NPM2: variants seen among roughly 807,000 people sequenced by gnomAD.
The protein encoded by NPM2 is nucleophosmin/nucleoplasmin 2.
In NPM2, 25 loss-of-function variants were observed where a neutral mutation model predicts 32.0. The ratio of observed to expected loss-of-function variants is 0.78; its 90% confidence interval spans 0.57 to 1.09. The LOEUF (loss-of-function observed/expected upper bound fraction) is 1.09. Among genes scored for constraint, NPM2 ranks in the 50% least tolerant of loss-of-function variants. NPM2 has a pLI of 0.00. For synonymous variants in NPM2, 111 were observed against 94.2 expected (o/e 1.18, Z -1.04); for missense variants, 282 against 259.9 (o/e 1.08, Z -0.58).
intron 5 of NPM2, among the ~76,000 whole-genome samples, chr8:22,031,420 G>T (rs1005157773): frequency 5.3e-5 from 8 of 152,096 alleles, no homozygotes; most frequent in Non-Finnish European, 8.8e-5. Flanking sequence ...CCAAGGCCTT[G>T]TCTCCTGACT....
Position 22,034,445 on chromosome 8 carries a change from T to C in NPM2, c.532-65T>C. On this transcript the variant is annotated intron_variant, in intron 7 of 9. Transcript: ENST00000518119. ...AGCTCAGCGGGGACCTTGTGGACTTTGGGAATCTGTTCTGGCTCTGGACTT... is the reference window on the plus strand; with the variant it reads ...AGCTCAGCGGGGACCTTGTGGACTTCGGGAATCTGTTCTGGCTCTGGACTT... The C allele has an allele frequency of 2.0e-6, 3 of 1,489,298 alleles. No homozygotes were observed. The South Asian group carries it at 3.5e-5, about 17-fold the overall frequency. The allele number at this position is 1,489,298 out of a possible 1,614,324, so 92.3% of individuals were successfully genotyped here. A position where few individuals can be genotyped will look rare whatever the true frequency, so the allele number is the denominator to read the frequency against.
chr8:22,030,389 C>T (rs976009389), intron 5 of NPM2, among the ~76,000 whole-genome samples: 1 of 152,042 alleles, frequency 6.6e-6, no homozygotes, highest in Non-Finnish European at 1.5e-5. Flanking sequence ...AGGCATGAGC[C>T]ACCATGCCCA....
chr8:22,028,741 C>T (rs1304834341), intron 5 of NPM2, among the ~76,000 whole-genome samples: 1 of 152,258 alleles, frequency 6.6e-6, no homozygotes, highest in East Asian at 1.9e-4. Flanking sequence ...TGGCCTGCTT[C>T]GAAGCCTTTG....
At chr8:22,033,534 T>C (rs538626460) in intron 6 of NPM2, among the ~76,000 whole-genome samples, 1 of 152,244 alleles carries the variant, frequency 6.6e-6, no homozygotes, top group East Asian at 1.9e-4. Context: ...CTGTTCAGGA[T>C]GTGGCTGCTG....
intron 8 of NPM2, 90 bp from the exon 9 acceptor site, chr8:22,036,403 G>T (rs1800621805): frequency 5.3e-6 from 7 of 1,327,556 alleles, no homozygotes; most frequent in Non-Finnish European, 7.3e-6. Context: ...GCTTTCCAGG[G>T]TGGGCACTGG....
At chr8:22,036,353 T>A in intron 8 of NPM2, 140 bp from the exon 9 acceptor site, 1 of 721,456 alleles carries the variant, frequency 1.4e-6, no homozygotes, top group South Asian at 1.9e-5. Flanking sequence ...TCCCTTTGTT[T>A]AAAGAGTCCG....
Position 22,025,639 on chromosome 8 carries a change from C to A in NPM2, c.145-8C>A. ...TGATGAGGGGCCTCTATTTTCAACC[C>A]CGCTCAGATTTGCTTGGGGGAGAAA... On this transcript the variant is annotated splice_region_variant and splice_polypyrimidine_tract_variant and intron_variant, in intron 4 of 9. Transcript: ENST00000518119. 1 of 1,614,152 alleles carries A rather than the reference C, an allele frequency of 6.2e-7. No homozygotes were observed. Among genetic ancestry groups the A allele is most frequent in the South Asian group, 1.1e-5 (1 of 91,080 alleles).
rs1297983637 is a variant in NPM2, at chr8:22,025,537, A to G, written c.144+16A>G. On this transcript the variant is annotated intron_variant, in intron 4 of 9. Coordinates refer to ENST00000518119, the MANE Select transcript of NPM2 (RefSeq NM_001286680.2). ...GCTTCATACGGTAGGTGTTCCCAAAAGAGGGGAGGAAGATGGTGTCCGGGA... is the reference window on the plus strand; with the variant it reads ...GCTTCATACGGTAGGTGTTCCCAAAGGAGGGGAGGAAGATGGTGTCCGGGA... 20 of 1,613,530 alleles carry G rather than the reference A, an allele frequency of 1.2e-5. No individual in the cohort carries two copies. Among genetic ancestry groups the G allele is most frequent in the East Asian group, 2.2e-5 (1 of 44,882 alleles).
intron 2 of NPM2, 81 bp from the exon 3 acceptor site, chr8:22,025,135 C>A (rs149954729): frequency 2.1e-5 from 26 of 1,216,052 alleles, no homozygotes; most frequent in Admixed American, 2.1e-4. Flanking sequence ...CAGTACCTGC[C>A]GATGCCTGCT....
chr8:22,026,454 C>CTTTTTTTTTT lies in NPM2; in HGVS notation c.270+691_270+700dup, dbSNP rs1171179196. 3.6e-4 allele frequency among the ~76,000 whole-genome samples: 40 copies of CTTTTTTTTTT among 111,396 alleles called. 1 individual carries two copies. The highest frequency in any genetic ancestry group is 6.1e-4 in the South Asian group (2 of 3,278). The allele number at this position is 111,396 out of a possible 152,430, so 73.1% of individuals were successfully genotyped here. A position where few individuals can be genotyped will look rare whatever the true frequency, so the allele number is the denominator to read the frequency against. On this transcript the variant is annotated intron_variant, in intron 5 of 9. Transcript: ENST00000518119. Reference sequence around the variant, plus strand: ...AATTGTGAATAATGGCAGTTCTTGCCTTTTTTTTTTTTTTTTTTGAGATGG... The same window carrying CTTTTTTTTTT: ...AATTGTGAATAATGGCAGTTCTTGCCTTTTTTTTTTTTTTTTTTTTTTTTTTTTGAGATGG...
intron 5 of NPM2, among the ~76,000 whole-genome samples, chr8:22,027,831 T>C (rs967247159): frequency 1.3e-5 from 2 of 152,196 alleles, no homozygotes; most frequent in African/African-American, 4.8e-5. Flanking sequence ...GGTCTCGAAC[T>C]CCTGACCTCA....
chr8:22,027,603 C>G (rs1585510490), intron 5 of NPM2, among the ~76,000 whole-genome samples: 1 of 143,258 alleles, frequency 7.0e-6, no homozygotes, highest in African/African-American at 2.5e-5. Context: ...AGACAAAGCT[C>G]TTTTTTTTTT....
Position 22,034,281 on chromosome 8 carries a change from G to A in NPM2, c.531+6G>A. On this transcript the variant is annotated splice_donor_region_variant and intron_variant, in intron 7 of 9. Coordinates refer to ENST00000518119, the MANE Select transcript of NPM2 (RefSeq NM_001286680.2). ...AGCAGGCGAGCGTGGCTAAGGTGGGGGAAGGAGCGTGGCTGTTTGGAAGGA... is the reference window on the plus strand; with the variant it reads ...AGCAGGCGAGCGTGGCTAAGGTGGGAGAAGGAGCGTGGCTGTTTGGAAGGA... The A allele has an allele frequency of 6.3e-7, 1 of 1,579,918 alleles. No homozygotes were observed. Among genetic ancestry groups the A allele is most frequent in the Non-Finnish European group, 8.6e-7 (1 of 1,163,502 alleles).
chr8:22,031,485 G>C (rs953861479), intron 5 of NPM2, among the ~76,000 whole-genome samples: 1 of 152,138 alleles, frequency 6.6e-6, no homozygotes, highest in Non-Finnish European at 1.5e-5. Flanking sequence ...TTGTTCTGTC[G>C]CCCAGGCTGG....
intron 5 of NPM2, among the ~76,000 whole-genome samples, chr8:22,032,128 A>T (rs897870698): frequency 6.6e-6 from 1 of 152,252 alleles, no homozygotes; most frequent in African/African-American, 2.4e-5. Flanking sequence ...ATTTAATGAG[A>T]TAAAGCAGAT....
At chr8:22,034,447 G>C in intron 7 of NPM2, 63 bp from the exon 8 acceptor site, 2 of 1,497,904 alleles carry the variant, frequency 1.3e-6, no homozygotes, top group South Asian at 2.3e-5. Context: ...GTGGACTTTG[G>C]GAATCTGTTC....
At chr8:22,027,466 T>A (rs866203469) in intron 5 of NPM2, among the ~76,000 whole-genome samples, 1 of 152,242 alleles carries the variant, frequency 6.6e-6, no homozygotes, top group Admixed American at 6.5e-5. Flanking sequence ...ATGGCTTTGA[T>A]AGATATCTAA....
At chr8:22,025,076 C>A in intron 2 of NPM2, 140 bp from the exon 3 acceptor site, 1 of 637,552 alleles carries the variant, frequency 1.6e-6, no homozygotes, top group African/African-American at 1.9e-5. Context: ...CAGGAGTTGC[C>A]GGTGAGCCCT....
intron 5 of NPM2, among the ~76,000 whole-genome samples, chr8:22,029,098 A>G (rs1275215004): frequency 1.3e-5 from 2 of 152,226 alleles, no homozygotes; most frequent in African/African-American, 4.8e-5. Flanking sequence ...TTAATGTTTT[A>G]TGTCCTCCCA....
Sources: allele counts gnomAD v4.1 joint callset (sites outside exome capture counted in the v4.1 genomes callset), GRCh38; gene constraint gnomAD v4.1.1; transcripts MANE v1.5; gene names NCBI Gene and HGNC (gene_info 2026-07-23, HGNC 2026-07-21).